Variants in SRGN observed in about 807,000 individuals in gnomAD.
SRGN encodes hematopoetic proteoglycan core peptide.
SRGN carries 2 observed loss-of-function variants against 9.5 expected under a neutral mutation model. That is an observed-to-expected ratio of 0.21 (90% CI 0.09 to 0.66). The LOEUF (loss-of-function observed/expected upper bound fraction) is 0.66, where lower values mean the gene tolerates loss of function less well. SRGN is among the 30% of genes least tolerant of loss of function. The pLI, the probability that SRGN is intolerant of heterozygous loss-of-function variation, is 0.83. For missense variants in SRGN, 170 were observed against 192.4 expected (o/e 0.88, Z 0.69); for synonymous variants, 59 against 72.3 (o/e 0.82, Z 0.93).
chr10:69,088,241 G>C lies in SRGN; in HGVS notation c.79+5G>C. 6.8e-6 allele frequency: 11 copies of C among 1,613,596 alleles called. No individual in the cohort carries two copies. Among genetic ancestry groups the C allele is most frequent in the Non-Finnish European group, 9.3e-6 (11 of 1,179,532 alleles). On this transcript the variant is annotated splice_donor_5th_base_variant and intron_variant, in intron 1 of 2. Transcript: ENST00000242465. ...TTCTGGAATCCTCAGTTCAAGGTAA[G>C]ACTCAGGAGTCTTGTTCCCCAGCCA...
intron 1 of SRGN, among the ~76,000 whole-genome samples, chr10:69,095,307 C>CA (rs59117562): frequency 0.074 from 8,656 of 117,434 alleles, 881 homozygotes; most frequent in African/African-American, 0.25. Context: ...GACTTCATCT[C>CA]AAAAAAAAAA....
upstream of SRGN, chr10:69,088,057 T>C (rs1303669450): frequency 5.1e-5 from 49 of 955,944 alleles, no homozygotes; most frequent in East Asian, 9.6e-4. Flanking sequence ...TGGGCAGGGT[T>C]TGAGGTTTTG....
At chr10:69,089,108 C>A (rs1173230249) in intron 1 of SRGN, among the ~76,000 whole-genome samples, 1 of 152,164 alleles carries the variant, frequency 6.6e-6, no homozygotes, top group Non-Finnish European at 1.5e-5. Flanking sequence ...GTCACAATGA[C>A]ACACATGTCC....
chr10:69,088,319 A>G (rs1368527705), intron 1 of SRGN, 83 bp downstream of exon 1: 5 of 1,177,752 alleles, frequency 4.2e-6, no homozygotes, highest in Non-Finnish European at 3.8e-6. Flanking sequence ...ATTTTAAGGC[A>G]TAGAATGTAT....
chr10:69,091,227 C>T (rs745531649), intron 1 of SRGN, among the ~76,000 whole-genome samples: 3 of 152,170 alleles, frequency 2.0e-5, no homozygotes, highest in South Asian at 2.1e-4. Context: ...AACTAATTAA[C>T]GGCTGAACTG....
chr10:69,100,910 G>A (rs1840276209), intron 2 of SRGN, among the ~76,000 whole-genome samples: 1 of 152,080 alleles, frequency 6.6e-6, no homozygotes, highest in Non-Finnish European at 1.5e-5. Flanking sequence ...CTAGTCCCTG[G>A]GCTCAGGAAA....
At chr10:69,089,634 G>A (rs867109754) in intron 1 of SRGN, among the ~76,000 whole-genome samples, 8 of 151,488 alleles carry the variant, frequency 5.3e-5, no homozygotes, top group African/African-American at 1.5e-4. Context: ...GGTGGCTCAC[G>A]CCTGTAATCC....
intron 1 of SRGN, among the ~76,000 whole-genome samples, chr10:69,089,081 G>C (rs1839998714): frequency 1.3e-5 from 2 of 152,228 alleles, no homozygotes; most frequent in South Asian, 4.1e-4. Context: ...TCCGCCAAAT[G>C]GTAAGGGAAA....
chr10:69,102,958 G>A (rs909364930), intron 2 of SRGN, among the ~76,000 whole-genome samples: 1 of 151,946 alleles, frequency 6.6e-6, no homozygotes, highest in Admixed American at 6.6e-5. Context: ...TTGGTGGAGG[G>A]TATGGAGTTT....
At chr10:69,103,847 T>C (rs547072520) in intron 2 of SRGN, 24 bp from the exon 3 acceptor site, 16 of 1,608,516 alleles carry the variant, frequency 9.9e-6, no homozygotes, top group African/African-American at 8.0e-5. Context: ...CTGGTTTTTT[T>C]CCCATTTTTC....
intron 1 of SRGN, among the ~76,000 whole-genome samples, chr10:69,092,892 C>T (rs1177751841): frequency 6.6e-6 from 1 of 152,078 alleles, no homozygotes; most frequent in Non-Finnish European, 1.5e-5. Context: ...CATCATCCCC[C>T]AAAAGAAAGC....
At chr10:69,088,091 G>T, upstream of SRGN, 1 of 1,366,902 alleles carries the variant, frequency 7.3e-7, no homozygotes, top group South Asian at 1.2e-5. Flanking sequence ...AAGGGACAGA[G>T]AGCACCCTGC....
intron 1 of SRGN, 36 bp from the exon 2 acceptor site, chr10:69,097,048 G>C: frequency 6.2e-7 from 1 of 1,608,384 alleles, no homozygotes; most frequent in Non-Finnish European, 8.5e-7. Flanking sequence ...AAGCTGTGTA[G>C]TAGATACTTA....
intron 2 of SRGN, among the ~76,000 whole-genome samples, chr10:69,097,704 G>A (rs1195043320): frequency 1.3e-5 from 2 of 152,106 alleles, no homozygotes; most frequent in African/African-American, 2.4e-5. Flanking sequence ...TGGGATTACA[G>A]GCGTGAGCCA....
At chr10:69,103,656 T>C (rs1477861973) in intron 2 of SRGN, among the ~76,000 whole-genome samples, 1 of 152,198 alleles carries the variant, frequency 6.6e-6, no homozygotes, top group Non-Finnish European at 1.5e-5. Flanking sequence ...GATGTGAAGT[T>C]GATAGGTGCA....
intron 2 of SRGN, chr10:69,098,447 T>A (rs993270557): frequency 6.6e-6 from 1 of 152,218 alleles, no homozygotes; most frequent in Non-Finnish European, 1.5e-5. Flanking sequence ...GAGTGACTGC[T>A]AATGGGTATG....
intron 2 of SRGN, among the ~76,000 whole-genome samples, chr10:69,100,971 TTC>T (rs2132160596): frequency 6.8e-6 from 1 of 147,864 alleles, no homozygotes; most frequent in South Asian, 2.1e-4. Flanking sequence ...AAGTATTTTT[TTC>T]TTTCTTTCTT....
At position 69,091,895 on chromosome 10, in the gene SRGN, A is replaced by AAAG. The variant is rs1554849953; in HGVS notation, c.79+3661_79+3662insGAA. On this transcript the variant is annotated intron_variant, in intron 1 of 2. Coordinates refer to ENST00000242465, the MANE Select transcript of SRGN (RefSeq NM_002727.4). ...ACTCTGTCTCAAAAAAAAAAAAAAA[A>AAAG]AAAAAAAAAAAAAGAAAAAGAAAAG... Among the ~76,000 whole-genome samples the AAAG allele has an allele frequency of 4.8e-3, 487 of 101,332 alleles. 8 individuals carry two copies. The highest frequency in any genetic ancestry group is 0.013 in the African/African-American group (458 of 35,758). The allele number at this position is 101,332 out of a possible 152,430, so 66.5% of individuals were successfully genotyped here. A position where few individuals can be genotyped will look rare whatever the true frequency, so the allele number is the denominator to read the frequency against.
chr10:69,103,562 G>A (rs1315161643), intron 2 of SRGN, among the ~76,000 whole-genome samples: 1 of 151,890 alleles, frequency 6.6e-6, no homozygotes, highest in Non-Finnish European at 1.5e-5. Flanking sequence ...AAATTAAAAT[G>A]ATTTCTTAAG....
Sources: allele counts gnomAD v4.1 joint callset (sites outside exome capture counted in the v4.1 genomes callset), GRCh38; gene constraint gnomAD v4.1.1; transcripts MANE v1.5; gene names NCBI Gene and HGNC (gene_info 2026-07-23, HGNC 2026-07-21).